The following SMURF2 variants were observed in gnomAD, a reference collection of about 807,000 sequenced individuals.
The protein encoded by SMURF2 is SMAD specific E3 ubiquitin protein ligase 2.
In SMURF2, 48 loss-of-function variants were observed where a neutral mutation model predicts 109.6. That is an observed-to-expected ratio of 0.44 (90% confidence interval 0.35 to 0.56). SMURF2 has a LOEUF of 0.56. Ranked by LOEUF, SMURF2 falls within the 20% of genes least tolerant of loss-of-function variation. The pLI is 0.01. For missense variants in SMURF2, 575 were observed against 909.0 expected (o/e 0.63, Z 4.72); for synonymous variants, 288 against 317.1 (o/e 0.91, Z 0.97).
chr17:64,570,700 C>T (rs1449042400), intron 10 of SMURF2, among the ~76,000 whole-genome samples: 3 of 152,186 alleles, frequency 2.0e-5, no homozygotes, highest in African/African-American at 7.2e-5. Flanking sequence ...ACCTCTATAC[C>T]TCAGTTTCCT....
chr17:64,600,313 T>C (rs1205144243), intron 2 of SMURF2, among the ~76,000 whole-genome samples: 2 of 152,178 alleles, frequency 1.3e-5, no homozygotes, highest in African/African-American at 2.4e-5. Context: ...AATGATTCTT[T>C]TGACAAAAAT....
rs377643800 is a variant in SMURF2 at position 64,553,557 on chromosome 17, T to C, written c.1748+1299A>G. 1.7e-3 allele frequency among the ~76,000 whole-genome samples: 262 copies of C among 152,226 alleles called. 5 individuals carry two copies. The South Asian group carries it at 0.052, about 30-fold the overall frequency. ...AACAAAAAAAAAACCATGGATTTTG[T>C]TCCTACATAATTCTTCTAAGACTTA... On this transcript the variant is annotated intron_variant, in intron 15 of 18. Transcript: ENST00000262435.
intron 1 of SMURF2, among the ~76,000 whole-genome samples, chr17:64,621,773 C>G (rs1293686784): frequency 6.6e-6 from 1 of 151,562 alleles, no homozygotes. Context: ...ACTCAGGAGG[C>G]TGAGGCAGGA....
rs1555682953 is a variant in SMURF2, at chr17:64,544,969, C to A, written c.*879G>T. On this transcript the variant is annotated 3_prime_UTR_variant, in exon 19 of 19. Transcript: ENST00000262435. ...CCAGCAAAATAACGAAAATCCCATC[C>A]CATCCACATGCTCTGAGAAGCTATA... 6.6e-6 allele frequency: 1 copy of A among 152,412 alleles called. No homozygotes were observed. 9.4% of individuals were successfully genotyped at this position (152,412 alleles called of 1,614,324 possible).
intron 1 of SMURF2, among the ~76,000 whole-genome samples, chr17:64,648,155 A>G (rs1970586864): frequency 6.7e-6 from 1 of 150,184 alleles, no homozygotes; most frequent in Non-Finnish European, 1.5e-5. Context: ...ATAGAACTCT[A>G]AAAAAAAATG....
chr17:64,628,974 AC>A (rs1387483740), intron 1 of SMURF2, among the ~76,000 whole-genome samples: 3 of 151,998 alleles, frequency 2.0e-5, no homozygotes, highest in Non-Finnish European at 4.4e-5. Context: ...TTAAGGACTT[AC>A]CCCCACCCTT....
At position 64,645,492 on chromosome 17, in the gene SMURF2, G is replaced by C. The variant is rs147718960; in HGVS notation, c.52+16337C>G. Among the ~76,000 whole-genome samples the C allele has an allele frequency of 9.2e-3, 1,398 of 152,274 alleles. 16 individuals carry two copies. Among genetic ancestry groups the C allele is most frequent in the African/African-American group, 0.032 (1,342 of 41,534 alleles). On this transcript the variant is annotated intron_variant, in intron 1 of 18. Coordinates refer to ENST00000262435, the MANE Select transcript of SMURF2 (RefSeq NM_022739.4). ...AGGTTGAGCCCATGAGTTTAAGGCT[G>C]CAGTGTGTTATGTTCACACCTGTGA...
intron 17 of SMURF2, 50 bp from the exon 18 acceptor site, chr17:64,546,388 T>C: frequency 2.6e-6 from 4 of 1,517,556 alleles, no homozygotes; most frequent in Non-Finnish European, 3.6e-6. Context: ...CGTGCATTAG[T>C]CTCCAAAATC....
chr17:64,550,902 A>C (rs1969035771), intron 16 of SMURF2, among the ~76,000 whole-genome samples: 1 of 152,174 alleles, frequency 6.6e-6, no homozygotes, highest in Non-Finnish European at 1.5e-5. Flanking sequence ...TACCCAAATA[A>C]ATTTCAAAAT....
At chr17:64,602,951 C>G (rs1969918454) in intron 2 of SMURF2, among the ~76,000 whole-genome samples, 1 of 151,692 alleles carries the variant, frequency 6.6e-6, no homozygotes, top group Non-Finnish European at 1.5e-5. Context: ...TTTTTTTTGT[C>G]TCAATTCTCC....
chr17:64,642,126 A>G (rs1307465121), intron 1 of SMURF2, among the ~76,000 whole-genome samples: 2 of 152,172 alleles, frequency 1.3e-5, no homozygotes, highest in Non-Finnish European at 2.9e-5. Flanking sequence ...TTTTTTATGC[A>G]GCAATTCTAA....
intron 10 of SMURF2, among the ~76,000 whole-genome samples, chr17:64,564,807 C>T (rs1969277783): frequency 6.6e-6 from 1 of 152,178 alleles, no homozygotes; most frequent in South Asian, 2.1e-4. Context: ...CCCTGTAGTT[C>T]TGCCTCCAGA....
In SMURF2 at chr17:64,543,381, TCTC is replaced by T. The variant is rs1968901759; in HGVS notation, c.*2464_*2466del. The T allele has an allele frequency of 6.6e-6, 1 of 151,756 alleles. No individual in the cohort carries two copies. The highest frequency in any genetic ancestry group is 6.6e-5 in the Admixed American group (1 of 15,226). The allele number at this position is 151,756 out of a possible 1,614,324, so 9.4% of individuals were successfully genotyped here. ...TCTCTGCCTCCCAGATTCAAGCAAT[TCTC>T]CTGCCTCAGCCTCCCAAGTAGTTGG... On this transcript the variant is annotated 3_prime_UTR_variant, in exon 19 of 19. Coordinates refer to ENST00000262435, the MANE Select transcript of SMURF2 (RefSeq NM_022739.4).
At chr17:64,556,854 GTTT>G (rs1454785323) in intron 13 of SMURF2, among the ~76,000 whole-genome samples, 9 of 151,928 alleles carry the variant, frequency 5.9e-5, no homozygotes, top group African/African-American at 2.2e-4. Flanking sequence ...CTTTTATCTT[GTTT>G]TTGTTTCTTT....
At chr17:64,548,295 G>A (rs1568169404) in intron 16 of SMURF2, among the ~76,000 whole-genome samples, 1 of 152,184 alleles carries the variant, frequency 6.6e-6, no homozygotes, top group Non-Finnish European at 1.5e-5. Flanking sequence ...TAATATGGTA[G>A]TAACATCCAT....
chr17:64,619,201 G>A (rs952526911), intron 1 of SMURF2, among the ~76,000 whole-genome samples: 1 of 151,890 alleles, frequency 6.6e-6, no homozygotes, highest in Non-Finnish European at 1.5e-5. Flanking sequence ...GAACATGGCC[G>A]GGCACGGTGG....
chr17:64,621,255 A>G (rs1384363206), intron 1 of SMURF2, among the ~76,000 whole-genome samples: 1 of 152,216 alleles, frequency 6.6e-6, no homozygotes, highest in Non-Finnish European at 1.5e-5. Context: ...ACAGGCCACA[A>G]GCACAAATAG....
chr17:64,584,019 T>C (rs1237550326), intron 6 of SMURF2, among the ~76,000 whole-genome samples: 2 of 152,008 alleles, frequency 1.3e-5, no homozygotes, highest in African/African-American at 2.4e-5. Flanking sequence ...ATGAAGACTA[T>C]TGGCTGGCAC....
Position 64,547,578 on chromosome 17 carries a change from T to C in SMURF2, c.2071+22A>G. 1 of 1,611,398 alleles carries C rather than the reference T, an allele frequency of 6.2e-7. No individual in the cohort carries two copies. The highest frequency in any genetic ancestry group is 1.7e-4 in the Middle Eastern group (1 of 6,050). ...CCCCGCCCCCACCCGCTGCCCAGCT[T>C]GCCTGCACCTCAGGCTGTTACCTTG... is the stretch of plus-strand genomic sequence containing the variant. On this transcript the variant is annotated intron_variant, in intron 17 of 18. Transcript: ENST00000262435. This position sits in a 1 kb window ranked among gnomAD's most constrained non-coding sequence, Gnocchi z 4.2.
Sources: allele counts gnomAD v4.1 joint callset (sites outside exome capture counted in the v4.1 genomes callset), GRCh38; gene constraint gnomAD v4.1.1; non-coding constraint Gnocchi (gnomAD v3.1); transcripts MANE v1.5; gene names NCBI Gene and HGNC (gene_info 2026-07-23, HGNC 2026-07-21).